CCDC197: variants seen among roughly 807,000 people sequenced by gnomAD.
CCDC197 encodes the protein uncharacterized protein CCDC197.
In CCDC197, 24 loss-of-function variants were observed where a neutral mutation model predicts 13.4. That is an observed-to-expected ratio of 1.80 (90% CI 1.30 to 2.53). The LOEUF is 2.53. Among genes scored for constraint, CCDC197 ranks in the 30% most tolerant of loss-of-function variants. The pLI, the probability that CCDC197 is intolerant of heterozygous loss-of-function variation, is 0.00. For missense variants in CCDC197, 255 were observed against 148.8 expected (o/e 1.71, Z -3.71); for synonymous variants, 99 against 55.5 (o/e 1.78, Z -3.48).
At chr14:93,994,639 C>G (rs1890253372), upstream of CCDC197, among the ~76,000 whole-genome samples, 1 of 152,204 alleles carries the variant, frequency 6.6e-6, no homozygotes, top group Non-Finnish European at 1.5e-5. Context: ...CACTGGAAAA[C>G]AAATAGTGCC....
downstream of CCDC197, among the ~76,000 whole-genome samples, chr14:94,010,613 C>T (rs2144313): frequency 0.13 from 19,890 of 152,180 alleles, 1,461 homozygotes; most frequent in Middle Eastern, 0.22. Flanking sequence ...TGAGTGGGAT[C>T]TCAGAAGGAA....
chr14:93,992,388 T>G (rs900550656), upstream of CCDC197, among the ~76,000 whole-genome samples: 1 of 151,210 alleles, frequency 6.6e-6, no homozygotes, highest in Non-Finnish European at 1.5e-5. Flanking sequence ...TAGCAGGAGG[T>G]GACAAGGTGG....
chr14:93,999,347 T>C (rs1890417630), intron 2 of CCDC197: 2 of 508,650 alleles, frequency 3.9e-6, no homozygotes, highest in East Asian at 3.6e-5. Flanking sequence ...ATACCTTCTT[T>C]GCTGCCTGGG....
chr14:93,988,402 T>G (rs1156534490), intron 1 of CCDC197, among the ~76,000 whole-genome samples: 6 of 40,478 alleles, frequency 1.5e-4, no homozygotes, highest in East Asian at 6.7e-4. Flanking sequence ...AGAGAGGGGA[T>G]GGGAAGAGTA....
At chr14:93,997,959 T>G in intron 1 of CCDC197, 40 bp from the exon 2 acceptor site, 1 of 612,428 alleles carries the variant, frequency 1.6e-6, no homozygotes, top group Non-Finnish European at 2.9e-6. Context: ...CTTAAGCTGC[T>G]CACAGCCCCT....
At position 94,003,691 on chromosome 14, in the gene CCDC197, A is replaced by T. The variant is rs1044100372; in HGVS notation, c.498+337A>T. ...TACACACACAAAGACACATGCAGAG[A>T]CATACATAGAGACAGACACACACAC... On this transcript the variant is annotated intron_variant, in intron 5 of 6. Coordinates refer to ENST00000636493, the MANE Select transcript of CCDC197 (RefSeq NM_001351596.2). The surrounding 1 kb of genome is among the most constrained non-coding windows in gnomAD (Gnocchi z 5.0). Among the ~76,000 whole-genome samples, 4 of 152,070 alleles carry T rather than the reference A, an allele frequency of 2.6e-5. No homozygotes were observed. Among genetic ancestry groups the T allele is most frequent in the Non-Finnish European group, 4.4e-5 (3 of 68,010 alleles).
At position 94,001,844 on chromosome 14, in the gene CCDC197, T is replaced by A. The variant is rs539541605; in HGVS notation, c.366+521T>A. ...AGCCTGCCCTGACAAAGGCGTGGCA[T>A]CATGAAGATTCATGCTGCCACTGGG... On this transcript the variant is annotated intron_variant, in intron 4 of 6. Coordinates refer to ENST00000636493, the MANE Select transcript of CCDC197 (RefSeq NM_001351596.2). 2.0e-5 allele frequency: 3 copies of A among 152,780 alleles called. No individual in the cohort carries two copies. In the East Asian group the frequency reaches 5.8e-4, roughly 29 times the overall value. 9.5% of individuals were successfully genotyped at this position (152,780 alleles called of 1,614,324 possible). A position where few individuals can be genotyped will look rare whatever the true frequency, so the allele number is the denominator to read the frequency against.
intron 1 of CCDC197, among the ~76,000 whole-genome samples, chr14:93,991,156 C>T (rs1217375778): frequency 6.6e-6 from 1 of 152,162 alleles, no homozygotes; most frequent in East Asian, 1.9e-4. Context: ...AGGCAGGGGA[C>T]ACCGGAAGAA....
upstream of CCDC197, among the ~76,000 whole-genome samples, chr14:93,993,212 C>T (rs1276435404): frequency 3.3e-5 from 5 of 152,152 alleles, no homozygotes; most frequent in African/African-American, 1.2e-4. Flanking sequence ...AAAACTAACG[C>T]CCATCGAATA....
chr14:94,005,079 C>T, intron 6 of CCDC197, 108 bp downstream of exon 6: 1 of 620,810 alleles, frequency 1.6e-6, no homozygotes, highest in East Asian at 2.8e-5. Flanking sequence ...AGCCCCCCAT[C>T]AGCTCTTCTT....
chr14:94,000,108 C>T (rs6575381), intron 3 of CCDC197, among the ~76,000 whole-genome samples: 1 of 152,114 alleles, frequency 6.6e-6, no homozygotes, highest in African/African-American at 2.4e-5. Context: ...ATGAGGTTTT[C>T]TGTGTTGTTT....
intron 6 of CCDC197, chr14:94,007,552 A>G (rs1419634340): frequency 6.6e-6 from 1 of 152,204 alleles, no homozygotes; most frequent in Admixed American, 6.5e-5. Flanking sequence ...AAAATTGAGA[A>G]GTGTGAGTCT....
At position 93,988,270 on chromosome 14, in the gene CCDC197, G is replaced by A. The variant is rs534266128; in HGVS notation, c.-107+874G>A. ...AGAGAGGGGATGGAAGGAGGGGATG[G>A]GAGGAAAGGATGGAGGAGGGGATGG... On this transcript the variant is annotated intron_variant, in intron 1 of 7. Transcript: ENST00000640978. Among the ~76,000 whole-genome samples, 3 of 105,694 alleles carry A rather than the reference G, an allele frequency of 2.8e-5. No individual in the cohort carries two copies. In the East Asian group the frequency reaches 8.0e-4, roughly 28 times the overall value. 69.3% of individuals were successfully genotyped at this position (105,694 alleles called of 152,430 possible).
chr14:94,003,432 AAC>A lies in CCDC197; in HGVS notation c.498+84_498+85del, dbSNP rs1468113695. Reference sequence around the variant, plus strand: ...CTGATGTCTCCATCATCAATCCCAAAACACACAGACACATACGCACGCAGACA... The same window carrying A: ...CTGATGTCTCCATCATCAATCCCAAAACACAGACACATACGCACGCAGACA... On this transcript the variant is annotated intron_variant, in intron 5 of 6. Coordinates refer to ENST00000636493, the MANE Select transcript of CCDC197 (RefSeq NM_001351596.2). This position sits in a 1 kb window ranked among gnomAD's most constrained non-coding sequence, Gnocchi z 5.0. 1 of 664,734 alleles carries A rather than the reference AAC, an allele frequency of 1.5e-6. No individual in the cohort carries two copies. The highest frequency in any genetic ancestry group is 2.8e-4 in the Middle Eastern group (1 of 3,620). 41.2% of individuals were successfully genotyped at this position (664,734 alleles called of 1,614,324 possible).
chr14:93,991,359 G>T (rs1890207847), intron 1 of CCDC197, among the ~76,000 whole-genome samples: 1 of 152,124 alleles, frequency 6.6e-6, no homozygotes, highest in African/African-American at 2.4e-5. Context: ...GTCATCATTA[G>T]GCCCTCACAG....
intron 2 of CCDC197, among the ~76,000 whole-genome samples, chr14:93,998,823 T>C (rs7150410): frequency 0.66 from 100,819 of 152,158 alleles, 35,918 homozygotes; most frequent in East Asian, 0.98. Flanking sequence ...CTTTTCAGAA[T>C]CATACGGATG....
intron 1 of CCDC197, among the ~76,000 whole-genome samples, chr14:93,988,876 T>G (rs1595346415): frequency 5.0e-5 from 4 of 80,314 alleles, no homozygotes; most frequent in South Asian, 4.2e-4. Flanking sequence ...AAGGAGGAGA[T>G]GGGACGAGGG....
rs1361382716 is a variant in CCDC197 at position 94,002,069 on chromosome 14, T to A, written c.366+746T>A. On this transcript the variant is annotated intron_variant, in intron 4 of 6. Transcript: ENST00000636493. Reference sequence around the variant, plus strand: ...AAGCACTTTACATGCTTTATCTCACTTAAATATCACGCCAGCACCTCTAGG... The same window carrying A: ...AAGCACTTTACATGCTTTATCTCACATAAATATCACGCCAGCACCTCTAGG... Among the ~76,000 whole-genome samples, 4 of 152,186 alleles carry A rather than the reference T, an allele frequency of 2.6e-5. No individual in the cohort carries two copies. In the East Asian group the frequency reaches 7.7e-4, roughly 29 times the overall value.
chr14:93,999,283 A>AG, intron 2 of CCDC197: 1 of 336,778 alleles, frequency 3.0e-6, no homozygotes, highest in South Asian at 4.2e-5. Flanking sequence ...CACAGCCTCC[A>AG]GGGGAGGCAC....
Sources: gnomAD v4.1 joint callset for allele counts (sites outside exome capture counted in the v4.1 genomes callset) on GRCh38, gnomAD v4.1.1 for gene constraint, Gnocchi (gnomAD v3.1) non-coding constraint, MANE v1.5 for transcripts, NCBI Gene and HGNC (gene_info 2026-07-23, HGNC 2026-07-21) for gene names.